Variants in MAF observed in about 807,000 individuals in gnomAD.
MAF encodes the protein MAF bZIP transcription factor.
MAF carries 10 observed loss-of-function variants against 22.0 expected under a neutral mutation model. The ratio of observed to expected loss-of-function variants is 0.45; its 90% confidence interval spans 0.28 to 0.77. MAF has a LOEUF of 0.77. Among genes scored for constraint, MAF ranks in the 30% least tolerant of loss-of-function variants. MAF has a pLI of 0.12. For synonymous variants in MAF, 337 were observed against 255.8 expected, an observed-to-expected ratio of 1.32 and a Z score of -3.03; for missense variants, 544 against 548.4, an observed-to-expected ratio of 0.99 and a Z score of 0.08.
At chr16:79,343,947 A>C in the MAF span, among the ~76,000 whole-genome samples, 1 of 152,210 alleles carries the variant, frequency 6.6e-6, no homozygotes, top group East Asian at 1.9e-4. Flanking sequence ...GTTTGCATTT[A>C]TGCATCCTCT....
chr16:79,471,961 G>C, the MAF span, among the ~76,000 whole-genome samples: 4 of 152,234 alleles, frequency 2.6e-5, no homozygotes, highest in East Asian at 7.7e-4. Context: ...TCCCTCATGC[G>C]TAAGACAAAG....
chr16:79,567,322 A>G, the MAF span, among the ~76,000 whole-genome samples: 1 of 69,554 alleles, frequency 1.4e-5, no homozygotes, highest in South Asian at 4.7e-4. Flanking sequence ...CCACCTCAGA[A>G]AAAAAAAAAT....
the MAF span, among the ~76,000 whole-genome samples, chr16:79,457,987 T>C: frequency 6.6e-6 from 1 of 152,180 alleles, no homozygotes. Flanking sequence ...ACCTTTCTTA[T>C]CTTTCCTTTA....
chr16:79,258,626 A>G, the MAF span, among the ~76,000 whole-genome samples: 1 of 152,140 alleles, frequency 6.6e-6, no homozygotes, highest in Non-Finnish European at 1.5e-5. Context: ...CTGGCCCTCA[A>G]CAGGCTTTGG....
chr16:79,375,531 G>A, the MAF span, among the ~76,000 whole-genome samples: 1 of 152,038 alleles, frequency 6.6e-6, no homozygotes, highest in Non-Finnish European at 1.5e-5. Flanking sequence ...AATGATGATG[G>A]TAATGATGAA....
chr16:79,508,150 G>A, the MAF span, among the ~76,000 whole-genome samples: 1 of 152,134 alleles, frequency 6.6e-6, no homozygotes, highest in African/African-American at 2.4e-5. Flanking sequence ...GTCATTCATT[G>A]CAAACCCTGA....
the MAF span, among the ~76,000 whole-genome samples, chr16:79,223,593 T>A: frequency 6.6e-6 from 1 of 151,616 alleles, no homozygotes; most frequent in Admixed American, 6.6e-5. Flanking sequence ...TTTGCAAAGA[T>A]CAACAAAATA....
chr16:79,539,172 T>C, the MAF span, among the ~76,000 whole-genome samples: 1 of 152,212 alleles, frequency 6.6e-6, no homozygotes, highest in Non-Finnish European at 1.5e-5. Context: ...ATAAACTAAT[T>C]CAGTCTTTCT....
At chr16:79,276,368 T>A in the MAF span, among the ~76,000 whole-genome samples, 37 of 151,824 alleles carry the variant, frequency 2.4e-4, no homozygotes, top group Admixed American at 1.4e-3. Context: ...GAAAGGAGGG[T>A]TGTGAAAGGA....
At chr16:79,568,182 G>A in the MAF span, among the ~76,000 whole-genome samples, 1 of 152,198 alleles carries the variant, frequency 6.6e-6, no homozygotes, top group Non-Finnish European at 1.5e-5. Flanking sequence ...ATTAGAGAAA[G>A]GGCATTTTAC....
At chr16:79,517,916 C>T in the MAF span, among the ~76,000 whole-genome samples, 1 of 152,150 alleles carries the variant, frequency 6.6e-6, no homozygotes, top group Non-Finnish European at 1.5e-5. Context: ...TGAAAACATA[C>T]CCACAATAGT....
the MAF span, among the ~76,000 whole-genome samples, chr16:79,358,482 C>A: frequency 6.6e-6 from 1 of 152,098 alleles, no homozygotes; most frequent in Admixed American, 6.5e-5. Flanking sequence ...TTGATCCCAC[C>A]CAACTCCAGA....
At chr16:79,535,761 C>T in the MAF span, among the ~76,000 whole-genome samples, 1 of 151,760 alleles carries the variant, frequency 6.6e-6, no homozygotes, top group African/African-American at 2.4e-5. Context: ...CCATGCCCAG[C>T]TAAGAGAAAG....
chr16:79,213,296 C>T, the MAF span, among the ~76,000 whole-genome samples: 5 of 146,882 alleles, frequency 3.4e-5, no homozygotes, highest in East Asian at 2.0e-4. Context: ...GCAGAGCAGT[C>T]GAACAAACAA....
chr16:79,348,496 T>C, the MAF span, among the ~76,000 whole-genome samples: 2 of 152,194 alleles, frequency 1.3e-5, no homozygotes, highest in Non-Finnish European at 2.9e-5. Context: ...AAAGCTAAGA[T>C]GTAACATCTA....
rs573342097 is a variant in MAF at position 79,593,851 on chromosome 16, C to G, written c.*609G>C. On this transcript the variant is annotated 3_prime_UTR_variant, in exon 2 of 2. Transcript: ENST00000326043. ...ACACAGAGGGTGTGTATTTAACTAACTTTGTATTTTGCCACACATTGTTTT... is the reference window on the plus strand; with the variant it reads ...ACACAGAGGGTGTGTATTTAACTAAGTTTGTATTTTGCCACACATTGTTTT... 38 of 182,020 alleles carry G rather than the reference C, an allele frequency of 2.1e-4. No individual in the cohort carries two copies. Among genetic ancestry groups the G allele is most frequent in the African/African-American group, 7.8e-4 (33 of 42,390 alleles). 11.3% of individuals were successfully genotyped at this position (182,020 alleles called of 1,614,324 possible). A position where few individuals can be genotyped will look rare whatever the true frequency, so the allele number is the denominator to read the frequency against.
chr16:79,468,951 T>C, the MAF span, among the ~76,000 whole-genome samples: 3 of 152,252 alleles, frequency 2.0e-5, no homozygotes, highest in East Asian at 5.8e-4. Flanking sequence ...TCCTTTTTAA[T>C]AGCCATCTTC....
At chr16:79,434,782 A>G in the MAF span, among the ~76,000 whole-genome samples, 12 of 152,160 alleles carry the variant, frequency 7.9e-5, no homozygotes, top group Non-Finnish European at 1.5e-4. Flanking sequence ...ACATTTTAAA[A>G]GATTATAAAG....
chr16:79,319,124 A>C, the MAF span, among the ~76,000 whole-genome samples: 1 of 152,046 alleles, frequency 6.6e-6, no homozygotes, highest in Non-Finnish European at 1.5e-5. Flanking sequence ...TCCCTGGCAC[A>C]CTCCAAATAT....
Sources: allele counts gnomAD v4.1 joint callset (sites outside exome capture counted in the v4.1 genomes callset), GRCh38; gene constraint gnomAD v4.1.1; transcripts MANE v1.5; gene names NCBI Gene and HGNC (gene_info 2026-07-23, HGNC 2026-07-21).